WDR70: variants seen among roughly 807,000 people sequenced by gnomAD.
The protein encoded by WDR70 is WD repeat-containing protein 70.
Under a neutral mutation model 88.6 loss-of-function variants are expected in WDR70, and 53 were observed. That is an observed-to-expected ratio of 0.60 (90% CI 0.48 to 0.75). The LOEUF is 0.75. Ranked by LOEUF, WDR70 falls within the 30% of genes least tolerant of loss-of-function variation. WDR70 has a pLI of 0.00. For missense variants in WDR70, 610 were observed against 823.2 expected (o/e 0.74, Z 3.17); for synonymous variants, 280 against 270.0 (o/e 1.04, Z -0.36).
intron 7 of WDR70, among the ~76,000 whole-genome samples, chr5:37,461,637 C>A (rs1321604123): frequency 2.0e-5 from 3 of 151,996 alleles, no homozygotes; most frequent in African/African-American, 4.8e-5. Context: ...GTGCCCACCA[C>A]CACACCCGGC....
At chr5:37,699,444 A>G (rs1747088392) in intron 11 of WDR70, among the ~76,000 whole-genome samples, 1 of 141,650 alleles carries the variant, frequency 7.1e-6, no homozygotes, top group Non-Finnish European at 1.6e-5. Context: ...TGGATAACTT[A>G]ATTGGTCAAT....
intron 7 of WDR70, among the ~76,000 whole-genome samples, chr5:37,474,037 TATC>T (rs1256889849): frequency 4.6e-5 from 7 of 152,230 alleles, no homozygotes; most frequent in Admixed American, 1.3e-4. Context: ...ATATTTTCAT[TATC>T]ATTCAGTTAA....
intron 5 of WDR70, among the ~76,000 whole-genome samples, chr5:37,419,369 C>A (rs1749869732): frequency 6.6e-6 from 1 of 151,570 alleles, no homozygotes; most frequent in Non-Finnish European, 1.5e-5. Flanking sequence ...CCGTGCCCGG[C>A]TAATTTTTGT....
chr5:37,459,172 T>A (rs1347849512), intron 7 of WDR70, among the ~76,000 whole-genome samples: 1 of 70,704 alleles, frequency 1.4e-5, no homozygotes, highest in African/African-American at 4.8e-5. Context: ...TCTAGTTTGA[T>A]TGCACTGTGG....
At chr5:37,688,931 C>G (rs1331674843) in intron 10 of WDR70, among the ~76,000 whole-genome samples, 5 of 152,104 alleles carry the variant, frequency 3.3e-5, no homozygotes, top group Non-Finnish European at 7.4e-5. Context: ...CCTTTCCTAG[C>G]CGAGGGAAGC....
intron 10 of WDR70, among the ~76,000 whole-genome samples, chr5:37,638,795 G>A (rs1581456092): frequency 6.6e-6 from 1 of 152,126 alleles, no homozygotes; most frequent in East Asian, 1.9e-4. Context: ...CATCATCTGA[G>A]TTTTTGGCTG....
chr5:37,524,358 G>T (rs1243647776), intron 9 of WDR70, among the ~76,000 whole-genome samples: 1 of 152,174 alleles, frequency 6.6e-6, no homozygotes, highest in Admixed American at 6.5e-5. Flanking sequence ...TTTCAACCCA[G>T]AATTTCATAT....
At chr5:37,588,517 C>T (rs1743429400) in intron 9 of WDR70, among the ~76,000 whole-genome samples, 1 of 151,780 alleles carries the variant, frequency 6.6e-6, no homozygotes, top group Non-Finnish European at 1.5e-5. Context: ...ATCTTCCTTG[C>T]TCCCTCCCCC....
At chr5:37,620,796 C>A (rs1744486788) in intron 10 of WDR70, among the ~76,000 whole-genome samples, 1 of 152,088 alleles carries the variant, frequency 6.6e-6, no homozygotes, top group South Asian at 2.1e-4. Flanking sequence ...TAATATTAAC[C>A]CTTTTCAAAC....
In WDR70 at chr5:37,726,474, G is replaced by A. The variant is rs537117164; in HGVS notation, c.1715-409G>A. Among the ~76,000 whole-genome samples, 3 of 152,212 alleles carry A rather than the reference G, an allele frequency of 2.0e-5. No individual in the cohort carries two copies. In the South Asian group the frequency reaches 6.2e-4, roughly 32 times the overall value. ...TATTTGTTTTCTCTTATAATACTCA[G>A]CAAAGTACCTGTAAGGGACTTGGAA... On this transcript the variant is annotated intron_variant, in intron 16 of 17. Transcript: ENST00000265107.
chr5:37,735,142 C>G (rs1295332992), intron 17 of WDR70, among the ~76,000 whole-genome samples: 1 of 152,010 alleles, frequency 6.6e-6, no homozygotes, highest in Non-Finnish European at 1.5e-5. Flanking sequence ...ATAGTCTATT[C>G]TGAGTTTTCT....
chr5:37,710,858 A>G (rs1747490924), intron 13 of WDR70, among the ~76,000 whole-genome samples: 2 of 151,588 alleles, frequency 1.3e-5, no homozygotes, highest in South Asian at 4.2e-4. Flanking sequence ...ATGGTAACTC[A>G]CTTCTGCTTG....
chr5:37,428,476 A>G (rs1013941295), intron 5 of WDR70, among the ~76,000 whole-genome samples: 4 of 152,158 alleles, frequency 2.6e-5, no homozygotes, highest in African/African-American at 9.7e-5. Flanking sequence ...TTATGTCACT[A>G]TAGGTTAATT....
chr5:37,548,351 G>A (rs927621675), intron 9 of WDR70, among the ~76,000 whole-genome samples: 3 of 152,206 alleles, frequency 2.0e-5, no homozygotes, highest in Admixed American at 1.3e-4. Context: ...GGGGTGAGAT[G>A]ATATCTCTTG....
chr5:37,565,892 C>G (rs1332500341), intron 9 of WDR70, among the ~76,000 whole-genome samples: 1 of 152,016 alleles, frequency 6.6e-6, no homozygotes, highest in Admixed American at 6.6e-5. Context: ...GGAATCAGTA[C>G]TTACTTGCTT....
chr5:37,425,213 T>C (rs1348036568), intron 5 of WDR70, among the ~76,000 whole-genome samples: 2 of 152,208 alleles, frequency 1.3e-5, no homozygotes, highest in African/African-American at 4.8e-5. Context: ...ATTGTGCCTC[T>C]GCACTCCAGC....
intron 9 of WDR70, among the ~76,000 whole-genome samples, chr5:37,596,694 T>C (rs1743709806): frequency 6.6e-6 from 1 of 152,212 alleles, no homozygotes; most frequent in Non-Finnish European, 1.5e-5. Context: ...GAAGTAGATT[T>C]ATTGATATTT....
intron 8 of WDR70, among the ~76,000 whole-genome samples, chr5:37,502,905 A>AC: frequency 6.6e-6 from 1 of 152,130 alleles, no homozygotes; most frequent in East Asian, 1.9e-4. Flanking sequence ...TGAAGGATTC[A>AC]CCCCCATGAT....
chr5:37,630,890 C>T (rs1033743199), intron 10 of WDR70, among the ~76,000 whole-genome samples: 10 of 152,158 alleles, frequency 6.6e-5, no homozygotes, highest in African/African-American at 1.7e-4. Flanking sequence ...TAATCTGGAG[C>T]AGTGAAACTG....
Sources: allele counts gnomAD v4.1 joint callset (sites outside exome capture counted in the v4.1 genomes callset), GRCh38; gene constraint gnomAD v4.1.1; transcripts MANE v1.5; gene names NCBI Gene and HGNC (gene_info 2026-07-23, HGNC 2026-07-21).